Variants in COL14A1 observed in about 807,000 individuals in gnomAD.
The protein encoded by COL14A1 is collagen alpha-1(XIV) chain.
In COL14A1, 136 loss-of-function variants were observed where a neutral mutation model predicts 230.3. The observed-to-expected ratio is 0.59, with a 90% CI of 0.51 to 0.68. The LOEUF is 0.68. COL14A1 is among the 30% of genes least tolerant of loss of function. COL14A1 has a pLI of 0.00. For synonymous variants in COL14A1, 792 were observed against 784.1 expected (o/e 1.01, Z -0.17); for missense variants, 1,976 against 2,215.8 (o/e 0.89, Z 2.17).
rs148245962 is a variant in COL14A1 at position 120,313,376 on chromosome 8, A to C, written c.4456-556A>C. Among the ~76,000 whole-genome samples, 837 of 152,292 alleles carry C rather than the reference A, an allele frequency of 5.5e-3. 9 individuals carry two copies. Among genetic ancestry groups the C allele is most frequent in the African/African-American group, 0.019 (784 of 41,566 alleles). ...CTCTGTCTCAAAAACAAAAAATGAA[A>C]AAAGGAAGTAAAATAATACTAAGCC... is the stretch of plus-strand genomic sequence containing the variant. On this transcript the variant is annotated intron_variant, in intron 37 of 47. Transcript: ENST00000297848.
intron 21 of COL14A1, 149 bp downstream of exon 21, chr8:120,247,884 G>T: frequency 1.0e-6 from 1 of 979,290 alleles, no homozygotes. Context: ...GAAAAATAAA[G>T]TGTTTTAGTA....
chr8:120,350,887 C>T (rs1376317740), intron 45 of COL14A1, among the ~76,000 whole-genome samples: 1 of 151,334 alleles, frequency 6.6e-6, no homozygotes, highest in Non-Finnish European at 1.5e-5. Flanking sequence ...CCAAGCGGAC[C>T]TAATAGACAT....
At chr8:120,337,823 T>C (rs775355322) in intron 42 of COL14A1, among the ~76,000 whole-genome samples, 30 of 152,234 alleles carry the variant, frequency 2.0e-4, no homozygotes, top group Non-Finnish European at 4.3e-4. Flanking sequence ...TGTTTTACTT[T>C]GTAAAAATCA....
intron 5 of COL14A1, among the ~76,000 whole-genome samples, chr8:120,180,581 T>C (rs1479255513): frequency 6.6e-6 from 1 of 152,178 alleles, no homozygotes; most frequent in Admixed American, 6.5e-5. Flanking sequence ...GGCTGTGCCT[T>C]CCTCTGGGAT....
At chr8:120,302,226 G>A (rs935738522) in intron 36 of COL14A1, among the ~76,000 whole-genome samples, 1 of 152,148 alleles carries the variant, frequency 6.6e-6, no homozygotes, top group Non-Finnish European at 1.5e-5. Flanking sequence ...CTGTGCAGAA[G>A]CACCTTAGTA....
At chr8:120,248,712 C>T (rs536781782) in intron 21 of COL14A1, among the ~76,000 whole-genome samples, 2 of 151,918 alleles carry the variant, frequency 1.3e-5, no homozygotes, top group East Asian at 3.9e-4. Flanking sequence ...AAAAATTAGC[C>T]AGGCATGGTG....
At chr8:120,322,973 G>A (rs138399164) in intron 40 of COL14A1, among the ~76,000 whole-genome samples, 330 of 152,288 alleles carry the variant, frequency 2.2e-3, no homozygotes, top group Non-Finnish European at 3.9e-3. Context: ...TTGAGGAATC[G>A]CCGCACTGCC....
In COL14A1 at chr8:120,210,613, C is replaced by G. The variant is rs143855250; in HGVS notation, c.1467+712C>G. 1.0e-3 allele frequency among the ~76,000 whole-genome samples: 154 copies of G among 152,104 alleles called. 4 individuals are homozygous for G. The East Asian group carries it at 0.011, about 11-fold the overall frequency. ...CAGATGACTTTCAAACATTTTAGTC[C>G]TCATTTTTAATTTGTAGTGGACAAT... On this transcript the variant is annotated intron_variant, in intron 12 of 47. Transcript: ENST00000297848.
chr8:120,194,634 T>A (rs1816961900), intron 5 of COL14A1, among the ~76,000 whole-genome samples: 1 of 152,308 alleles, frequency 6.6e-6, no homozygotes. Flanking sequence ...TTGGAAGTTA[T>A]TTTTTAAACC....
At chr8:120,269,388 T>C (rs1421209166) in intron 25 of COL14A1, among the ~76,000 whole-genome samples, 2 of 151,826 alleles carry the variant, frequency 1.3e-5, no homozygotes, top group Non-Finnish European at 2.9e-5. Context: ...TTTGTTGATA[T>C]CTGTAATACC....
Position 120,369,454 on chromosome 8 carries a change from C to T in COL14A1, c.5280C>T (p.Asp1760=). The T allele has an allele frequency of 6.2e-7, 1 of 1,607,508 alleles. No homozygotes were observed. Among genetic ancestry groups the T allele is most frequent in the Non-Finnish European group, 8.5e-7 (1 of 1,176,998 alleles). ...CTTCTGGCCAGCCTGGATATTGTGA[C>T]CCCTCATCATGTTCTGCCTATGGTG... is the stretch of plus-strand genomic sequence containing the variant. ...QGPSGQPGYC[D]PSSCSAYGVR... is the part of the protein sequence containing the mutation. Residue 1760 remains aspartate, a synonymous_variant, in exon 47 of 48, where the codon GAC becomes GAT. Transcript: ENST00000297848.
At chr8:120,172,140 A>T (rs968673238) in intron 5 of COL14A1, among the ~76,000 whole-genome samples, 1 of 141,164 alleles carries the variant, frequency 7.1e-6, no homozygotes, top group African/African-American at 2.9e-5. Context: ...TTTAGGGTTA[A>T]ATTCTTTTGT....
At chr8:120,174,390 C>T (rs1481276789) in intron 5 of COL14A1, among the ~76,000 whole-genome samples, 2 of 152,122 alleles carry the variant, frequency 1.3e-5, no homozygotes, top group Non-Finnish European at 2.9e-5. Flanking sequence ...AGTGTCTCAA[C>T]TGCTGTATTC....
intron 1 of COL14A1, among the ~76,000 whole-genome samples, chr8:120,134,419 A>G (rs570864008): frequency 6.6e-6 from 1 of 152,172 alleles, no homozygotes; most frequent in Non-Finnish European, 1.5e-5. Context: ...TTGGATAGAC[A>G]TGGAGAATAA....
intron 11 of COL14A1, among the ~76,000 whole-genome samples, chr8:120,208,973 C>A (rs760390887): frequency 2.0e-5 from 3 of 152,078 alleles, no homozygotes; most frequent in Non-Finnish European, 4.4e-5. Context: ...AGTCACTATG[C>A]AAAATTGCTC....
At chr8:120,247,438 A>AG (rs1818800147) in intron 20 of COL14A1, among the ~76,000 whole-genome samples, 175 bp from the exon 21 acceptor site, 1 of 151,154 alleles carries the variant, frequency 6.6e-6, no homozygotes, top group African/African-American at 2.4e-5. Flanking sequence ...AGAAAAAAAA[A>AG]AATTGAAAAC....
intron 20 of COL14A1, among the ~76,000 whole-genome samples, chr8:120,245,854 A>C (rs1319321976): frequency 6.6e-6 from 1 of 152,166 alleles, no homozygotes; most frequent in Non-Finnish European, 1.5e-5. Flanking sequence ...TCAGGACTGT[A>C]ACAGCAAGAG....
At chr8:120,197,666 C>A in intron 6 of COL14A1, 145 bp from the exon 7 acceptor site, 1 of 700,644 alleles carries the variant, frequency 1.4e-6, no homozygotes, top group Non-Finnish European at 2.3e-6. Context: ...TCTTACTCAG[C>A]AAATCTTTTT....
intron 26 of COL14A1, among the ~76,000 whole-genome samples, chr8:120,272,414 C>T (rs990466274): frequency 3.3e-5 from 5 of 151,626 alleles, no homozygotes; most frequent in Non-Finnish European, 7.4e-5. Context: ...TAGGTAACAA[C>T]ATGGTGACTG....
Sources: allele counts gnomAD v4.1 joint callset (sites outside exome capture counted in the v4.1 genomes callset), GRCh38; gene constraint gnomAD v4.1.1; transcripts MANE v1.5; gene names NCBI Gene and HGNC (gene_info 2026-07-23, HGNC 2026-07-21).